The following C8orf74 variants were observed in gnomAD, a reference collection of about 807,000 sequenced individuals.
C8orf74 encodes uncharacterized protein C8orf74.
A neutral mutation model predicts 22.2 loss-of-function variants in C8orf74; 29 were observed. The observed-to-expected ratio is 1.31, with a 90% confidence interval of 0.97 to 1.78. The LOEUF is 1.78. Among genes scored for constraint, C8orf74 ranks in the 40% most tolerant of loss-of-function variants. The pLI, the probability that C8orf74 is intolerant of heterozygous loss-of-function variation, is 0.00. For synonymous variants in C8orf74, 255 were observed against 163.1 expected (o/e 1.56, Z -4.30); for missense variants, 515 against 369.9 (o/e 1.39, Z -3.22).
chr8:10,694,771 G>A (rs1273850753), intron 2 of C8orf74, among the ~76,000 whole-genome samples: 1 of 152,220 alleles, frequency 6.6e-6, no homozygotes, highest in Non-Finnish European at 1.5e-5. Flanking sequence ...TGAATGGAAG[G>A]ATGGGTGAAT....
At chr8:10,690,215 T>A (rs897061000) in intron 2 of C8orf74, among the ~76,000 whole-genome samples, 41 of 151,882 alleles carry the variant, frequency 2.7e-4, no homozygotes, top group African/African-American at 9.2e-4. Context: ...TCAGTTTCTC[T>A]CCCGGGAGGA....
intron 2 of C8orf74, among the ~76,000 whole-genome samples, chr8:10,687,464 A>G (rs1586042286): frequency 6.6e-6 from 1 of 152,018 alleles, no homozygotes; most frequent in Non-Finnish European, 1.5e-5. Flanking sequence ...AGCCTGACCA[A>G]CATGGCAAAA....
At chr8:10,673,587 G>A (rs898513602) in intron 1 of C8orf74, 2 of 153,708 alleles carry the variant, frequency 1.3e-5, no homozygotes, top group African/African-American at 4.8e-5. Context: ...ATTTTAGGCA[G>A]GGGGATAGGG....
intron 2 of C8orf74, among the ~76,000 whole-genome samples, chr8:10,685,048 C>T (rs1465106588): frequency 6.6e-6 from 1 of 152,214 alleles, no homozygotes; most frequent in Non-Finnish European, 1.5e-5. Context: ...TCCATCATGC[C>T]ACTCAAAACG....
intron 1 of C8orf74, chr8:10,673,701 G>C (rs1209870192): frequency 1.3e-5 from 2 of 153,968 alleles, no homozygotes; most frequent in African/African-American, 4.8e-5. Flanking sequence ...AGAAGAGCAA[G>C]TCCCAGGAGG....
chr8:10,694,842 G>A (rs1447145055), intron 2 of C8orf74, among the ~76,000 whole-genome samples: 6 of 152,076 alleles, frequency 3.9e-5, no homozygotes, highest in Non-Finnish European at 5.9e-5. Context: ...ATAAACAAAC[G>A]GGTGGAAAAA....
intron 2 of C8orf74, chr8:10,692,904 G>T (rs1388161683): frequency 6.6e-6 from 1 of 152,274 alleles, no homozygotes. Flanking sequence ...CTCCCTCGCA[G>T]CTTGAGTGAT....
At chr8:10,673,820 AC>A (rs1242765476) in intron 1 of C8orf74, 1 of 152,500 alleles carries the variant, frequency 6.6e-6, no homozygotes, top group Non-Finnish European at 1.5e-5. Flanking sequence ...AAAGTGTCTT[AC>A]CCAGTAGAGA....
At chr8:10,676,410 C>G (rs888509918) in intron 2 of C8orf74, among the ~76,000 whole-genome samples, 1 of 152,154 alleles carries the variant, frequency 6.6e-6, no homozygotes, top group Non-Finnish European at 1.5e-5. Context: ...CATTTCCACC[C>G]CCCTCTCTTG....
intron 2 of C8orf74, chr8:10,690,721 G>A (rs933778357): frequency 2.7e-6 from 1 of 371,620 alleles, no homozygotes. Context: ...CCGGGTATGA[G>A]GGCCCAAGGA....
At chr8:10,693,306 A>G (rs1799423558) in intron 2 of C8orf74, among the ~76,000 whole-genome samples, 1 of 152,020 alleles carries the variant, frequency 6.6e-6, no homozygotes, top group African/African-American at 2.4e-5. Flanking sequence ...AGTACATCCC[A>G]GCTCCTTTAC....
chr8:10,696,321 C>T (rs969456137), intron 2 of C8orf74, among the ~76,000 whole-genome samples: 2 of 152,080 alleles, frequency 1.3e-5, no homozygotes, highest in Admixed American at 6.6e-5. Context: ...CAATCCTTTG[C>T]ATGGGGTAAA....
intron 2 of C8orf74, among the ~76,000 whole-genome samples, chr8:10,675,313 G>A (rs185161769): frequency 6.6e-5 from 10 of 152,284 alleles, no homozygotes; most frequent in African/African-American, 2.4e-4. Flanking sequence ...CCCACTCCCT[G>A]GCCCTGTGCA....
In C8orf74 at chr8:10,700,531, G is replaced by C. The variant is rs1799635613; in HGVS notation, c.*60G>C. ...CCAGCCACCCATAACCATGAGCCTT[G>C]CGGCACGGTGAGCTCAGCACCCACA... On this transcript the variant is annotated 3_prime_UTR_variant, in exon 4 of 4. Coordinates refer to ENST00000304519, the MANE Select transcript of C8orf74 (RefSeq NM_001040032.2). 9.2e-7 allele frequency: 1 copy of C among 1,090,606 alleles called. No homozygotes were observed. Among genetic ancestry groups the C allele is most frequent in the African/African-American group, 1.6e-5 (1 of 62,496 alleles). The allele number at this position is 1,090,606 out of a possible 1,614,324, so 67.6% of individuals were successfully genotyped here.
intron 2 of C8orf74, among the ~76,000 whole-genome samples, chr8:10,682,349 G>A (rs1027151600): frequency 6.6e-6 from 1 of 152,180 alleles, no homozygotes; most frequent in Non-Finnish European, 1.5e-5. Flanking sequence ...GTTTACCAGG[G>A]TTGCTGCACA....
intron 2 of C8orf74, chr8:10,691,020 C>A: frequency 2.3e-6 from 1 of 441,416 alleles, no homozygotes; most frequent in Middle Eastern, 3.3e-4. Context: ...TTAATCCCTC[C>A]ACTTTCTGAG....
intron 3 of C8orf74, among the ~76,000 whole-genome samples, 175 bp downstream of exon 3, chr8:10,698,180 G>C (rs2129059267): frequency 6.6e-6 from 1 of 152,314 alleles, no homozygotes; most frequent in Non-Finnish European, 1.5e-5. Flanking sequence ...AGAAATTCAT[G>C]TCCCTATTTT....
chr8:10,695,996 T>C (rs10086065), intron 2 of C8orf74, among the ~76,000 whole-genome samples: 29,190 of 152,090 alleles, frequency 0.19, 8,283 homozygotes, highest in African/African-American at 0.62. Context: ...CCACAGTACA[T>C]TTCCAGGACG....
At chr8:10,686,258 G>A (rs1586040944) in intron 2 of C8orf74, among the ~76,000 whole-genome samples, 1 of 152,304 alleles carries the variant, frequency 6.6e-6, no homozygotes, top group South Asian at 2.1e-4. Context: ...GATCTGGACT[G>A]AGACCTGATT....
Sources: allele counts gnomAD v4.1 joint callset (sites outside exome capture counted in the v4.1 genomes callset), GRCh38; gene constraint gnomAD v4.1.1; transcripts MANE v1.5; gene names NCBI Gene and HGNC (gene_info 2026-07-23, HGNC 2026-07-21).